OR10J1: variants seen among roughly 807,000 people sequenced by gnomAD.
The protein encoded by OR10J1 is olfactory receptor family 10 subfamily J member 1.
For synonymous variants in OR10J1, 202 were observed against 143.8 expected (o/e 1.40, Z -2.89); for missense variants, 474 against 376.6 (o/e 1.26, Z -2.14).
At chr1:159,403,016 A>C in the OR10J1 span, among the ~76,000 whole-genome samples, 6 of 151,954 alleles carry the variant, frequency 3.9e-5, no homozygotes, top group South Asian at 4.1e-4. Context: ...AGGGGAAAAG[A>C]CTCTCTTCAA....
At chr1:159,424,920 T>A in the OR10J1 span, among the ~76,000 whole-genome samples, 936 of 152,248 alleles carry the variant, frequency 6.1e-3, 6 homozygotes, top group African/African-American at 0.021. Context: ...AGTACCATCA[T>A]GTCACATCAA....
chr1:159,421,849 C>A, the OR10J1 span, among the ~76,000 whole-genome samples: 4 of 152,210 alleles, frequency 2.6e-5, no homozygotes, highest in African/African-American at 9.6e-5. Flanking sequence ...TTAACTTGTG[C>A]AAGCAGGCTG....
chr1:159,417,072 G>A, the OR10J1 span, among the ~76,000 whole-genome samples: 3 of 151,592 alleles, frequency 2.0e-5, no homozygotes, highest in African/African-American at 4.8e-5. Flanking sequence ...ATTTCATTTA[G>A]TTCTGCTTTG....
chr1:159,410,157 C>A, the OR10J1 span, among the ~76,000 whole-genome samples: 5 of 152,012 alleles, frequency 3.3e-5, no homozygotes, highest in Admixed American at 2.0e-4. Flanking sequence ...GTCTAAAATT[C>A]TCTTTTTTGG....
the OR10J1 span, chr1:159,432,785 T>C: frequency 3.6e-6 from 1 of 275,800 alleles, no homozygotes; most frequent in Non-Finnish European, 6.1e-6. Flanking sequence ...CAGACACTAC[T>C]ATCAAGGAGT....
At chr1:159,420,076 CTTCT>C in the OR10J1 span, among the ~76,000 whole-genome samples, 1 of 151,792 alleles carries the variant, frequency 6.6e-6, no homozygotes, top group Non-Finnish European at 1.5e-5. Context: ...ATATAATGAC[CTTCT>C]TTGTCTCTTT....
At chr1:159,408,556 G>T in the OR10J1 span, among the ~76,000 whole-genome samples, 1 of 151,308 alleles carries the variant, frequency 6.6e-6, no homozygotes, top group South Asian at 2.1e-4. Flanking sequence ...CATGGCACAT[G>T]TATACATATG....
upstream of OR10J1, chr1:159,439,586 A>G (rs1360518572): frequency 3.1e-6 from 2 of 648,764 alleles, no homozygotes; most frequent in African/African-American, 3.6e-5. Context: ...TGATGCATGG[A>G]AAATTATAAC....
chr1:159,429,706 G>A, the OR10J1 span, among the ~76,000 whole-genome samples: 1 of 152,160 alleles, frequency 6.6e-6, no homozygotes, highest in East Asian at 1.9e-4. Flanking sequence ...GGGCACAGGA[G>A]AATGGTCCTC....
upstream of OR10J1, among the ~76,000 whole-genome samples, chr1:159,434,790 C>T (rs1655688676): frequency 6.6e-6 from 1 of 152,096 alleles, no homozygotes; most frequent in African/African-American, 2.4e-5. Flanking sequence ...ATGGACATAC[C>T]ATTCCCTGGC....
the OR10J1 span, among the ~76,000 whole-genome samples, chr1:159,416,449 CTT>C: frequency 3.2e-4 from 44 of 139,238 alleles, no homozygotes; most frequent in African/African-American, 5.9e-4. Flanking sequence ...TGTTTTTGTC[CTT>C]TTTTTTTTTT....
At chr1:159,434,910 G>A (rs1158952911), upstream of OR10J1, among the ~76,000 whole-genome samples, 1 of 152,122 alleles carries the variant, frequency 6.6e-6, no homozygotes, top group Non-Finnish European at 1.5e-5. Context: ...CAGAGCCCTA[G>A]CTTTAACAAT....
chr1:159,402,785 A>C, the OR10J1 span, among the ~76,000 whole-genome samples: 16 of 152,252 alleles, frequency 1.1e-4, no homozygotes, highest in Non-Finnish European at 1.3e-4. Context: ...GGAATCACAA[A>C]AGACTCAGAA....
At chr1:159,412,019 C>G in the OR10J1 span, among the ~76,000 whole-genome samples, 1 of 152,040 alleles carries the variant, frequency 6.6e-6, no homozygotes, top group Non-Finnish European at 1.5e-5. Flanking sequence ...GTACAAAAAT[C>G]ACAAGCATTC....
chr1:159,405,648 G>A, the OR10J1 span: 1 of 459,526 alleles, frequency 2.2e-6, no homozygotes, highest in South Asian at 2.1e-5. Flanking sequence ...TGAGATGGGA[G>A]GTGCAGGTGG....
In OR10J1 at chr1:159,440,726, G is replaced by A. The variant is rs1293153966; in HGVS notation, c.*5G>A. 1.2e-6 allele frequency: 2 copies of A among 1,605,182 alleles called. No homozygotes were observed. Among genetic ancestry groups the A allele is most frequent in the South Asian group, 1.1e-5 (1 of 90,270 alleles). On this transcript the variant is annotated 3_prime_UTR_variant, in exon 1 of 1. Transcript: ENST00000423932. The stretch of plus-strand genomic sequence containing the variant: ...GTTGGTGGGAAGTTTTCCTGACCAT[G>A]TAGGAAGAGTTCTCCTGAGGCTGTC...
At chr1:159,431,128 A>G in the OR10J1 span, among the ~76,000 whole-genome samples, 139,929 of 152,234 alleles carry the variant, frequency 0.92, 64,963 homozygotes, top group East Asian at 1. Context: ...TATTAAACGC[A>G]TAATATTTGG....
At chr1:159,430,327 C>T in the OR10J1 span, among the ~76,000 whole-genome samples, 3 of 152,148 alleles carry the variant, frequency 2.0e-5, no homozygotes, top group Non-Finnish European at 4.4e-5. Context: ...CAGATTGTGA[C>T]ACTCAGCATT....
At chr1:159,419,512 G>A in the OR10J1 span, among the ~76,000 whole-genome samples, 3 of 152,148 alleles carry the variant, frequency 2.0e-5, no homozygotes, top group Non-Finnish European at 4.4e-5. Context: ...CCAGCCACAT[G>A]GAACTGTGAG....
Sources: allele counts gnomAD v4.1 joint callset (sites outside exome capture counted in the v4.1 genomes callset), GRCh38; gene constraint gnomAD v4.1.1; transcripts MANE v1.5; gene names NCBI Gene and HGNC (gene_info 2026-07-23, HGNC 2026-07-21).